ADRA1D: variants seen among roughly 807,000 people sequenced by gnomAD.
The protein encoded by ADRA1D is adrenoceptor alpha 1D.
Under a neutral mutation model 18.6 loss-of-function variants are expected in ADRA1D, and 22 were observed. That is an observed-to-expected ratio of 1.19 (90% CI 0.85 to 1.69). The LOEUF (loss-of-function observed/expected upper bound fraction) is 1.69. Ranked by LOEUF, ADRA1D falls within the 40% of genes most tolerant of loss-of-function variation. The pLI, the probability that ADRA1D is intolerant of heterozygous loss-of-function variation, is 0.00. For missense variants in ADRA1D, 840 were observed against 840.7 expected, an observed-to-expected ratio of 1.00 and a Z score of 0.01; for synonymous variants, 376 against 388.2, an observed-to-expected ratio of 0.97 and a Z score of 0.37.
At chr20:4,241,931 G>A (rs536665933) in intron 1 of ADRA1D, among the ~76,000 whole-genome samples, 13 of 143,446 alleles carry the variant, frequency 9.1e-5, no homozygotes, top group Admixed American at 3.6e-4. Context: ...TTTAGAAAGC[G>A]TGTGTATCTG....
chr20:4,229,635 C>T (rs910953), intron 1 of ADRA1D, among the ~76,000 whole-genome samples: 8,565 of 152,072 alleles, frequency 0.056, 591 homozygotes, highest in African/African-American at 0.16. Flanking sequence ...GTTTGTAGAA[C>T]GATGACGAGG....
intron 1 of ADRA1D, among the ~76,000 whole-genome samples, chr20:4,224,490 C>A (rs2122655077): frequency 6.6e-6 from 1 of 152,210 alleles, no homozygotes; most frequent in South Asian, 2.1e-4. Context: ...GCAGCAGAGG[C>A]CACTCTTTCA....
intron 1 of ADRA1D, among the ~76,000 whole-genome samples, chr20:4,242,459 T>C (rs537305942): frequency 3.3e-5 from 5 of 152,220 alleles, no homozygotes; most frequent in Non-Finnish European, 7.3e-5. Flanking sequence ...GATGCATATC[T>C]GAATATTGAC....
intron 1 of ADRA1D, among the ~76,000 whole-genome samples, chr20:4,243,105 G>C (rs1164546272): frequency 6.6e-6 from 1 of 152,154 alleles, no homozygotes; most frequent in Non-Finnish European, 1.5e-5. Context: ...CCCGCAGGGA[G>C]GATGATCTGC....
At chr20:4,229,396 A>G (rs709026) in intron 1 of ADRA1D, among the ~76,000 whole-genome samples, 6,651 of 135,958 alleles carry the variant, frequency 0.049, 335 homozygotes, top group African/African-American at 0.13. Flanking sequence ...AGGTATACTA[A>G]GGAGAAAAAA....
rs1980698691 is a variant in ADRA1D at position 4,222,577 on chromosome 20, TAC to T, written c.1112-449_1112-448del. On this transcript the variant is annotated intron_variant, in intron 1 of 1. Coordinates refer to ENST00000379453, the MANE Select transcript of ADRA1D (RefSeq NM_000678.4). The surrounding 1 kb of genome is among the most constrained non-coding windows in gnomAD (Gnocchi z 4.3). Reference sequence around the variant, plus strand: ...TTTGAAGATAAAATAGGATAGAACATACGCCCCCGCCTCCCTGCCACATCTCC... The same window carrying T: ...TTTGAAGATAAAATAGGATAGAACATGCCCCCGCCTCCCTGCCACATCTCC... Among the ~76,000 whole-genome samples the T allele has an allele frequency of 2.6e-5, 4 of 152,222 alleles. No individual in the cohort carries two copies. In the South Asian group the frequency reaches 8.3e-4, roughly 32 times the overall value.
chr20:4,247,921 G>T lies in ADRA1D; in HGVS notation c.1037C>A (p.Ala346Glu), dbSNP rs763526391. 1.2e-6 allele frequency: 2 copies of T among 1,604,390 alleles called. No individual in the cohort carries two copies. The highest frequency in any genetic ancestry group is 2.2e-5 in the South Asian group (2 of 89,318). ...CACGACGATGGCCAGAGTCTTGGCC[G>T]CTTTCTTCTCACGGGAGAACTTGAG... ...RLLKFSREKKAAKTLAIVVGV... is the reference protein window; with the variant it reads ...RLLKFSREKKEAKTLAIVVGV... Residue 346 changes from alanine (A) to glutamate (E), a missense_variant, in exon 1 of 2, where the codon GCG becomes GAG. By Grantham distance (107) the Ala-to-Glu change is moderately radical. Transcript: ENST00000379453.
At chr20:4,241,041 A>AT (rs563256353) in intron 1 of ADRA1D, among the ~76,000 whole-genome samples, 25 of 150,180 alleles carry the variant, frequency 1.7e-4, no homozygotes, top group East Asian at 7.8e-4. Flanking sequence ...CCTGTTAAAG[A>AT]TTTTTTTTTT....
At chr20:4,237,453 T>C (rs1247661059) in intron 1 of ADRA1D, among the ~76,000 whole-genome samples, 1 of 109,858 alleles carries the variant, frequency 9.1e-6, no homozygotes, top group Non-Finnish European at 1.9e-5. Flanking sequence ...AGAGACTCCA[T>C]CTCTTGAAAA....
chr20:4,244,491 A>C (rs1301777972), intron 1 of ADRA1D, among the ~76,000 whole-genome samples: 1 of 152,086 alleles, frequency 6.6e-6, no homozygotes, highest in African/African-American at 2.4e-5. Context: ...ACTGCACTCC[A>C]TGCTCCTGCA....
chr20:4,230,862 GC>G (rs1412570620), intron 1 of ADRA1D, among the ~76,000 whole-genome samples: 1 of 152,138 alleles, frequency 6.6e-6, no homozygotes, highest in African/African-American at 2.4e-5. Context: ...AGTCCCTGCA[GC>G]CCCAGGTCAG....
chr20:4,233,843 T>G, intron 1 of ADRA1D, among the ~76,000 whole-genome samples: 1 of 152,024 alleles, frequency 6.6e-6, no homozygotes, highest in East Asian at 1.9e-4. Context: ...GGAGACCCAG[T>G]AAGGACGCAG....
intron 1 of ADRA1D, among the ~76,000 whole-genome samples, chr20:4,227,952 C>T (rs139115955): frequency 2.3e-4 from 35 of 152,184 alleles, no homozygotes; most frequent in East Asian, 5.8e-4. Context: ...GCCTTGTGCC[C>T]GCCCCCGGCT....
At chr20:4,223,370 A>G (rs1017700208) in intron 1 of ADRA1D, among the ~76,000 whole-genome samples, 7 of 152,158 alleles carry the variant, frequency 4.6e-5, no homozygotes, top group African/African-American at 1.7e-4. Flanking sequence ...TGACTCTGAG[A>G]AGGGACCCAT....
At chr20:4,235,869 G>T (rs556055011) in intron 1 of ADRA1D, among the ~76,000 whole-genome samples, 1 of 152,220 alleles carries the variant, frequency 6.6e-6, no homozygotes, top group Non-Finnish European at 1.5e-5. Flanking sequence ...GGGCTCAGGC[G>T]GGGGCAGAGA....
intron 1 of ADRA1D, among the ~76,000 whole-genome samples, chr20:4,227,035 A>G (rs17221837): frequency 1.1e-4 from 16 of 152,148 alleles, no homozygotes; most frequent in African/African-American, 3.6e-4. Context: ...CAGAAAGACA[A>G]CTGGGCATTT....
intron 1 of ADRA1D, among the ~76,000 whole-genome samples, chr20:4,246,930 G>C (rs1269147657): frequency 1.3e-5 from 2 of 152,220 alleles, no homozygotes; most frequent in Admixed American, 1.3e-4. Context: ...CCAGGCCTGG[G>C]AGAGGCAGAG....
intron 1 of ADRA1D, among the ~76,000 whole-genome samples, chr20:4,235,278 C>A (rs943376335): frequency 2.0e-5 from 3 of 152,176 alleles, no homozygotes; most frequent in Admixed American, 2.0e-4. Context: ...GAGGGCAGCT[C>A]CTAGAGCAAC....
Position 4,221,963 on chromosome 20 carries a change from G to A in ADRA1D, c.1279C>T (p.Arg427Cys), listed in dbSNP as rs1453097886. The change falls in exon 2 of 2, where the codon CGC becomes TGC. Residue 427 changes from arginine (R) to cysteine (C), a missense_variant. Transcript: ENST00000379453. ...LRCQCRRRRR[R>C]RPLWRVYGHH... The stretch of plus-strand genomic sequence containing the variant: ...CCGTAGACACGCCAGAGAGGGCGGC[G>A]GCGCCGGCGACGACGGCACTGGCAG... 1.3e-6 allele frequency: 2 copies of A among 1,551,644 alleles called. No homozygotes were observed. The highest frequency in any genetic ancestry group is 1.4e-5 in the African/African-American group (1 of 72,770).
Sources: allele counts gnomAD v4.1 joint callset (sites outside exome capture counted in the v4.1 genomes callset), GRCh38; gene constraint gnomAD v4.1.1; non-coding constraint Gnocchi (gnomAD v3.1); transcripts MANE v1.5; gene names NCBI Gene and HGNC (gene_info 2026-07-23, HGNC 2026-07-21).